Variants in ANKHD1 observed in about 807,000 individuals in gnomAD.
The protein encoded by ANKHD1 is ankyrin repeat and KH domain containing 1, also known as ankyrin repeat and KH domain-containing protein 1.
Under a neutral mutation model 230.5 loss-of-function variants are expected in ANKHD1, and 31 were observed. The ratio of observed to expected loss-of-function variants is 0.13; its 90% CI spans 0.10 to 0.18. The LOEUF is 0.18. Ranked by LOEUF, ANKHD1 falls within the 10% of genes least tolerant of loss-of-function variation. The pLI, the probability that ANKHD1 is intolerant of heterozygous loss-of-function variation, is 1.00. For synonymous variants in ANKHD1, 1,074 were observed against 1,117.6 expected (o/e 0.96, Z 0.78); for missense variants, 2,256 against 3,071.3 (o/e 0.73, Z 6.27).
At chr5:140,427,704 C>T (rs1349043568) in intron 1 of ANKHD1, among the ~76,000 whole-genome samples, 4 of 147,532 alleles carry the variant, frequency 2.7e-5, no homozygotes, top group Non-Finnish European at 6.1e-5. Context: ...GGGCTCCTCA[C>T]TTCCCAGTAG....
intron 1 of ANKHD1, 78 bp from the exon 2 acceptor site, chr5:140,436,026 C>A: frequency 1.5e-6 from 2 of 1,336,066 alleles, no homozygotes; most frequent in South Asian, 4.3e-5. Context: ...ATTAAGAAGT[C>A]ATATTACCTT....
rs539198265 is a variant in ANKHD1, at chr5:140,470,402, G to A, written c.1782+5626G>A. 1.7e-4 allele frequency among the ~76,000 whole-genome samples: 25 copies of A among 150,340 alleles called. No individual in the cohort carries two copies. In the South Asian group the frequency reaches 4.8e-3, roughly 29 times the overall value. On this transcript the variant is annotated intron_variant, in intron 10 of 33. Transcript: ENST00000360839. ...GATATTTTCTTTTTTTTAAAGGAAGGTTTCTTTCTGCTATGTTTTTGACTA... is the reference window on the plus strand; with the variant it reads ...GATATTTTCTTTTTTTTAAAGGAAGATTTCTTTCTGCTATGTTTTTGACTA...
Position 140,436,102 on chromosome 5 carries a change from A to G in ANKHD1, c.307-2A>G. The G allele has an allele frequency of 6.5e-7, 1 of 1,546,430 alleles. No homozygotes were observed. Among genetic ancestry groups the G allele is most frequent in the Admixed American group, 2.1e-5 (1 of 47,168 alleles). ...GATATTGCATCTTTATTTCATTAAC[A>G]GGTTGAATCATTTATTTTGGACCAA... is the stretch of plus-strand genomic sequence containing the variant. On this transcript the variant is annotated splice_acceptor_variant, in intron 1 of 33. Transcript: ENST00000360839. LOFTEE classifies it high-confidence loss of function.
At chr5:140,505,617 C>CTG (rs1752504027) in intron 17 of ANKHD1, 107 bp from the exon 18 acceptor site, 3 of 1,439,490 alleles carry the variant, frequency 2.1e-6, no homozygotes, top group Non-Finnish European at 2.7e-6. Flanking sequence ...TTATCAGTGT[C>CTG]TGCCCTGAAG....
chr5:140,405,387 A>G (rs1263289381), intron 1 of ANKHD1, among the ~76,000 whole-genome samples: 1 of 152,098 alleles, frequency 6.6e-6, no homozygotes, highest in East Asian at 1.9e-4. Context: ...TGGAGTATCT[A>G]GTCTTTATAG....
chr5:140,453,399 GAC>G (rs908773200), intron 7 of ANKHD1, among the ~76,000 whole-genome samples: 2 of 152,074 alleles, frequency 1.3e-5, no homozygotes, highest in African/African-American at 4.8e-5. Flanking sequence ...GCAGCTCCAG[GAC>G]ACATAATTGT....
intron 10 of ANKHD1, among the ~76,000 whole-genome samples, chr5:140,475,882 A>G (rs1750938534): frequency 6.6e-6 from 1 of 152,238 alleles, no homozygotes; most frequent in South Asian, 2.1e-4. Flanking sequence ...GCGAATCTTT[A>G]TCAAGAAAGA....
At chr5:140,416,549 G>T (rs1771410533) in intron 1 of ANKHD1, among the ~76,000 whole-genome samples, 1 of 152,120 alleles carries the variant, frequency 6.6e-6, no homozygotes, top group Non-Finnish European at 1.5e-5. Context: ...TATTCCATTG[G>T]TCTATATGTC....
chr5:140,428,995 A>AG (rs1473339042), intron 1 of ANKHD1, among the ~76,000 whole-genome samples: 1 of 151,672 alleles, frequency 6.6e-6, no homozygotes, highest in Non-Finnish European at 1.5e-5. Context: ...CATGTTGGCC[A>AG]GGCTGGTCTC....
intron 1 of ANKHD1, among the ~76,000 whole-genome samples, chr5:140,424,677 A>G (rs1353180517): frequency 6.6e-6 from 1 of 152,228 alleles, no homozygotes; most frequent in Non-Finnish European, 1.5e-5. Flanking sequence ...TTGATCTGGT[A>G]TTAGAGTTAG....
At chr5:140,465,244 A>G (rs1385031407) in intron 10 of ANKHD1, 1 of 152,220 alleles carries the variant, frequency 6.6e-6, no homozygotes, top group Non-Finnish European at 1.5e-5. Context: ...ATCCATCATC[A>G]TTTTGAATGA....
rs777005231 is a variant in ANKHD1 at position 140,529,845 on chromosome 5, A to G, written c.6850+49A>G. 1.9e-6 allele frequency: 3 copies of G among 1,590,508 alleles called. No homozygotes were observed. In the South Asian group the frequency reaches 3.4e-5, roughly 18 times the overall value. Reference sequence around the variant, plus strand: ...GTTGAGTTTGGAGCTCCTATGGCCTAATCTCACCTTAAGTGGACAAAAAAA... The same window carrying G: ...GTTGAGTTTGGAGCTCCTATGGCCTGATCTCACCTTAAGTGGACAAAAAAA... On this transcript the variant is annotated intron_variant, in intron 29 of 33. Transcript: ENST00000360839.
chr5:140,537,378 A>C lies in ANKHD1; in HGVS notation c.7028-11A>C, dbSNP rs1754133702. 2 of 1,613,408 alleles carry C rather than the reference A, an allele frequency of 1.2e-6. No homozygotes were observed. The highest frequency in any genetic ancestry group is 3.3e-5 in the Admixed American group (2 of 59,862). ...CATCTGTTTCTTCGGGATCATCTTC[A>C]CCTCTTTCAGCCACTTCTGCCCCAC... On this transcript the variant is annotated splice_polypyrimidine_tract_variant and intron_variant, in intron 30 of 33. Coordinates refer to ENST00000360839, the MANE Select transcript of ANKHD1 (RefSeq NM_017747.3).
intron 1 of ANKHD1, among the ~76,000 whole-genome samples, chr5:140,415,849 A>G (rs1027985209): frequency 2.0e-5 from 3 of 152,032 alleles, no homozygotes; most frequent in African/African-American, 4.8e-5. Flanking sequence ...CAGGTTTGTT[A>G]CATATGTACA....
At chr5:140,405,824 C>T (rs1422811134) in intron 1 of ANKHD1, among the ~76,000 whole-genome samples, 2 of 152,080 alleles carry the variant, frequency 1.3e-5, no homozygotes, top group African/African-American at 2.4e-5. Flanking sequence ...GTAGAGACAG[C>T]GTTTTGTCAC....
rs1338186825 is a variant in ANKHD1 at position 140,527,887 on chromosome 5, C to A, written c.5102C>A (p.Ser1701Tyr). 2.5e-6 allele frequency: 4 copies of A among 1,612,152 alleles called. No homozygotes were observed. In the African/African-American group the frequency reaches 5.3e-5, roughly 22 times the overall value. The change falls in exon 28 of 34, where the codon TCT becomes TAT. Residue 1701 changes from serine to tyrosine, a missense_variant. By Grantham distance (144) the Ser-to-Tyr change is moderately radical (BLOSUM62 -2). This residue lies in a region of ANKHD1 where 212 missense variants were observed against 257.3 expected (regional missense o/e 0.82). Transcript: ENST00000360839. This position sits in a 1 kb window ranked among gnomAD's most constrained non-coding sequence, Gnocchi z 4.5. ...TCATTTTATAGGTCAAAGAAATTGT[C>A]TGTTCCAGCCTCAGTGGTGTCGAGG... ...KEVVRRSKKL[S>Y]VPASVVSRIM...
rs1773624650 is a variant in ANKHD1, at chr5:140,438,589, A to G, written c.589A>G (p.Asn197Asp). 3.7e-6 allele frequency: 6 copies of G among 1,609,256 alleles called. No individual in the cohort carries two copies. Among genetic ancestry groups the G allele is most frequent in the Non-Finnish European group, 8.5e-7 (1 of 1,177,000 alleles). ...TGCACTGACACGGATGAAAGCAGAAAACAGCCACAATGCAGGACAAGTGGA... is the reference window on the plus strand; with the variant it reads ...TGCACTGACACGGATGAAAGCAGAAGACAGCCACAATGCAGGACAAGTGGA... ...AAALTRMKAE[N>D]SHNAGQVDTR... Residue 197 changes from asparagine to aspartate, a missense_variant, in exon 3 of 34, where the codon AAC (asparagine) becomes GAC (aspartate). Coordinates refer to ENST00000360839, the MANE Select transcript of ANKHD1 (RefSeq NM_017747.3).
chr5:140,427,019 A>G lies in ANKHD1; in HGVS notation c.307-9085A>G, dbSNP rs372404468. 3.9e-5 allele frequency among the ~76,000 whole-genome samples: 6 copies of G among 152,088 alleles called. No homozygotes were observed. The East Asian group carries it at 7.7e-4, about 20-fold the overall frequency. On this transcript the variant is annotated intron_variant, in intron 1 of 33. Transcript: ENST00000360839. ...CCATTGTCATCATGGCCCGTTCTCA[A>G]TGAGCTGTTGGGTACACCTCCCAGA...
intron 9 of ANKHD1, among the ~76,000 whole-genome samples, chr5:140,460,234 C>T (rs1775605504): frequency 6.6e-6 from 1 of 151,596 alleles, no homozygotes. Flanking sequence ...GCAATAAGTA[C>T]TTTTACATAG....
Sources: allele counts gnomAD v4.1 joint callset (sites outside exome capture counted in the v4.1 genomes callset), GRCh38; gene constraint gnomAD v4.1.1; regional missense constraint gnomAD v4.1.1; non-coding constraint Gnocchi (gnomAD v3.1); transcripts MANE v1.5; gene names NCBI Gene and HGNC (gene_info 2026-07-23, HGNC 2026-07-21).